LIN28B: variants seen among roughly 807,000 people sequenced by gnomAD.
The protein encoded by LIN28B is lin-28 RNA binding posttranscriptional regulator B.
LIN28B carries 5 observed loss-of-function variants against 21.9 expected under a neutral mutation model. That is an observed-to-expected ratio of 0.23 (90% CI 0.12 to 0.48). The LOEUF (loss-of-function observed/expected upper bound fraction) is 0.48, where lower values mean the gene tolerates loss of function less well. LIN28B is among the 20% of genes least tolerant of loss of function. The pLI is 0.98. For missense variants in LIN28B, 245 were observed against 310.5 expected, an observed-to-expected ratio of 0.79 and a Z score of 1.58; for synonymous variants, 109 against 111.3, an observed-to-expected ratio of 0.98 and a Z score of 0.13.
chr6:104,971,527 T>G (rs1189738538), intron 2 of LIN28B, among the ~76,000 whole-genome samples: 1 of 152,160 alleles, frequency 6.6e-6, no homozygotes, highest in Admixed American at 6.5e-5. Flanking sequence ...TAAGTTTATT[T>G]TACCTTTAAA....
At chr6:105,072,613 CAACT>C (rs1384003123) in intron 3 of LIN28B, among the ~76,000 whole-genome samples, 3 of 151,910 alleles carry the variant, frequency 2.0e-5, no homozygotes, top group Non-Finnish European at 4.4e-5. Flanking sequence ...TCAGTATCAC[CAACT>C]AACTATTTTT....
intron 2 of LIN28B, among the ~76,000 whole-genome samples, chr6:105,013,872 C>T (rs1472194616): frequency 6.6e-6 from 1 of 151,904 alleles, no homozygotes; most frequent in African/African-American, 2.4e-5. Flanking sequence ...TATTTCTTTG[C>T]TCTCCTTTTA....
chr6:104,949,586 T>C (rs545368117), intron 2 of LIN28B, among the ~76,000 whole-genome samples: 2 of 152,326 alleles, frequency 1.3e-5, no homozygotes, highest in East Asian at 1.9e-4. Context: ...TGAGTTGATA[T>C]AGTAGGTCTA....
chr6:104,944,195 C>T (rs961078601), intron 2 of LIN28B, among the ~76,000 whole-genome samples: 1 of 151,602 alleles, frequency 6.6e-6, no homozygotes, highest in African/African-American at 2.4e-5. Flanking sequence ...AAATGTTATC[C>T]CTGAAGTATA....
At chr6:105,015,134 T>C (rs1284066128) in intron 2 of LIN28B, among the ~76,000 whole-genome samples, 2 of 152,124 alleles carry the variant, frequency 1.3e-5, no homozygotes, top group African/African-American at 4.8e-5. Context: ...AAAAAAAGTC[T>C]CCAGCTATGC....
At chr6:104,939,200 A>ACAT (rs1778050583) in intron 2 of LIN28B, 1 of 152,224 alleles carries the variant, frequency 6.6e-6, no homozygotes, top group South Asian at 2.1e-4. Flanking sequence ...ATCAATGTCC[A>ACAT]CATCTTTTTC....
intron 2 of LIN28B, among the ~76,000 whole-genome samples, chr6:104,975,112 G>A (rs1306844952): frequency 1.3e-5 from 2 of 152,018 alleles, no homozygotes; most frequent in Non-Finnish European, 2.9e-5. Flanking sequence ...GAGCCACCGC[G>A]CCCAGCCCTG....
At chr6:105,013,391 T>G (rs188019690) in intron 2 of LIN28B, among the ~76,000 whole-genome samples, 1 of 151,526 alleles carries the variant, frequency 6.6e-6, no homozygotes, top group East Asian at 1.9e-4. Flanking sequence ...TTTATGTATC[T>G]TTTTTTTTAA....
intron 3 of LIN28B, among the ~76,000 whole-genome samples, chr6:104,951,702 T>G (rs1385212801): frequency 1.3e-5 from 2 of 152,176 alleles, no homozygotes; most frequent in Admixed American, 6.5e-5. Context: ...AAGGTACAAC[T>G]TTCACCAGAA....
Position 104,995,188 on chromosome 6 carries a change from G to T in LIN28B, c.199-31110G>T, listed in dbSNP as rs141027791. 6.6e-3 allele frequency among the ~76,000 whole-genome samples: 1,000 copies of T among 152,294 alleles called. 9 individuals carry two copies. The highest frequency in any genetic ancestry group is 0.023 in the African/African-American group (959 of 41,562). ...GAGGATGCATTTAAGGAAGGTAAGAGAACTGCATTTCTAGGAAAAGGGTAA... is the reference window on the plus strand; with the variant it reads ...GAGGATGCATTTAAGGAAGGTAAGATAACTGCATTTCTAGGAAAAGGGTAA... On this transcript the variant is annotated intron_variant, in intron 2 of 3. Coordinates refer to ENST00000345080, the MANE Select transcript of LIN28B (RefSeq NM_001004317.4).
chr6:104,953,655 A>C (rs185120111), upstream of LIN28B, among the ~76,000 whole-genome samples: 2 of 152,300 alleles, frequency 1.3e-5, no homozygotes, highest in East Asian at 3.9e-4. Flanking sequence ...GGTGAGAGGA[A>C]GCTGCAGAGG....
chr6:105,077,611 A>G (rs914905548), intron 3 of LIN28B, among the ~76,000 whole-genome samples: 2 of 152,200 alleles, frequency 1.3e-5, no homozygotes, highest in Non-Finnish European at 1.5e-5. Flanking sequence ...TTTAACTTAA[A>G]AGAGATCACC....
chr6:104,941,895 G>A (rs1201147107), intron 2 of LIN28B, among the ~76,000 whole-genome samples: 1 of 152,142 alleles, frequency 6.6e-6, no homozygotes, highest in African/African-American at 2.4e-5. Context: ...GAGTGTTTTC[G>A]AGTAAAATCT....
At chr6:104,971,575 T>C (rs147019333) in intron 2 of LIN28B, among the ~76,000 whole-genome samples, 1 of 152,322 alleles carries the variant, frequency 6.6e-6, no homozygotes, top group East Asian at 1.9e-4. Flanking sequence ...ATAGAAAGGC[T>C]ACTTAAGTTT....
chr6:105,063,402 G>A (rs1016845564), intron 3 of LIN28B, among the ~76,000 whole-genome samples: 1 of 152,142 alleles, frequency 6.6e-6, no homozygotes, highest in African/African-American at 2.4e-5. Flanking sequence ...AAGCAAGGCC[G>A]AGAAGGGCGG....
chr6:105,018,515 A>G (rs1348409927), intron 2 of LIN28B, among the ~76,000 whole-genome samples: 1 of 152,042 alleles, frequency 6.6e-6, no homozygotes, highest in Non-Finnish European at 1.5e-5. Flanking sequence ...TCAAAAATAC[A>G]CCTCACGTGT....
intron 3 of LIN28B, among the ~76,000 whole-genome samples, chr6:105,070,166 G>C (rs1409064159): frequency 1.3e-5 from 2 of 152,084 alleles, no homozygotes; most frequent in Non-Finnish European, 2.9e-5. Flanking sequence ...ACCATCTCCT[G>C]GGAAACTTTA....
chr6:104,937,991 A>G (rs927762761), intron 2 of LIN28B, among the ~76,000 whole-genome samples: 9 of 138,546 alleles, frequency 6.5e-5, no homozygotes, highest in Non-Finnish European at 1.2e-4. Context: ...GACTGCAAGG[A>G]TATCTTGCCA....
At chr6:105,035,233 C>T (rs1281955601) in intron 3 of LIN28B, among the ~76,000 whole-genome samples, 1 of 151,832 alleles carries the variant, frequency 6.6e-6, no homozygotes, top group Non-Finnish European at 1.5e-5. Flanking sequence ...TGTATTATAT[C>T]CCAGATTCTG....
Sources: gnomAD v4.1 joint callset for allele counts (sites outside exome capture counted in the v4.1 genomes callset) on GRCh38, gnomAD v4.1.1 for gene constraint, MANE v1.5 for transcripts, NCBI Gene and HGNC (gene_info 2026-07-23, HGNC 2026-07-21) for gene names.